Variants in FBXW7 observed in about 807,000 individuals in gnomAD.
The protein encoded by FBXW7 is F-box/WD repeat-containing protein 7.
Under a neutral mutation model 86.3 loss-of-function variants are expected in FBXW7, and 11 were observed. The ratio of observed to expected loss-of-function variants is 0.13; its 90% CI spans 0.08 to 0.21. The LOEUF is 0.21. Ranked by LOEUF, FBXW7 falls within the 10% of genes least tolerant of loss-of-function variation. The probability of loss-of-function intolerance (pLI) is 1.00; values close to 1 mark genes in which losing one functional copy is unlikely to be tolerated. For missense variants in FBXW7, 488 were observed against 847.4 expected, an observed-to-expected ratio of 0.58 and a Z score of 5.27; for synonymous variants, 313 against 297.9, an observed-to-expected ratio of 1.05 and a Z score of -0.52.
chr4:152,351,585 A>G (rs551398948), intron 4 of FBXW7, among the ~76,000 whole-genome samples: 2 of 152,148 alleles, frequency 1.3e-5, no homozygotes, highest in Non-Finnish European at 2.9e-5. Flanking sequence ...CCGTGTATAT[A>G]ATTTATAGAT....
At chr4:152,505,682 TACA>T (rs1319115568) in intron 2 of FBXW7, among the ~76,000 whole-genome samples, 1 of 151,848 alleles carries the variant, frequency 6.6e-6, no homozygotes, top group Admixed American at 6.6e-5. Context: ...TGTAATCTCC[TACA>T]ACAACAGTGC....
chr4:152,490,541 T>C (rs1406704638), intron 2 of FBXW7, among the ~76,000 whole-genome samples: 1 of 152,030 alleles, frequency 6.6e-6, no homozygotes, highest in Non-Finnish European at 1.5e-5. Context: ...AAAAAGCAGA[T>C]AACTCAAAAG....
At position 152,411,597 on chromosome 4, in the gene FBXW7, T is replaced by G; in HGVS notation, c.207A>C (p.Gln69His). Residue 69 changes from glutamine to histidine, a missense_variant, in exon 4 of 14, where the codon CAA (glutamine) becomes CAC (histidine). Around this residue, in one of 4 missense-constraint regions of FBXW7, gnomAD observed 230 missense variants for 240.0 expected, o/e 0.96. Transcript: ENST00000281708. ...VVGVEPRPGG[Q>H]NDSQQGQLEE... ...CCAACTGTCCTTGCTGGGAATCATT[T>G]TGGCCTCCAGGTCTAGGTTCTACTC... 6.2e-7 allele frequency: 1 copy of G among 1,614,050 alleles called. No homozygotes were observed. The highest frequency in any genetic ancestry group is 8.5e-7 in the Non-Finnish European group (1 of 1,179,950).
chr4:152,433,979 T>A (rs1489532180), intron 2 of FBXW7, among the ~76,000 whole-genome samples: 1 of 152,212 alleles, frequency 6.6e-6, no homozygotes, highest in Non-Finnish European at 1.5e-5. Context: ...ACAGGTGCAC[T>A]TATACGTGGA....
chr4:152,506,484 C>A (rs1423932080), intron 2 of FBXW7, among the ~76,000 whole-genome samples: 1 of 152,152 alleles, frequency 6.6e-6, no homozygotes, highest in African/African-American at 2.4e-5. Flanking sequence ...TACACCATCA[C>A]CACCACAAAC....
At chr4:152,414,443 C>T (rs1324193876) in intron 2 of FBXW7, among the ~76,000 whole-genome samples, 1 of 152,038 alleles carries the variant, frequency 6.6e-6, no homozygotes, top group East Asian at 1.9e-4. Flanking sequence ...TGTCAGGTGG[C>T]TCAAACTTTG....
chr4:152,430,135 T>C lies in FBXW7; in HGVS notation c.-119-17606A>G, dbSNP rs550323890. ...TCAACAAATCTGAAATCAGTGCTTT[T>C]GAAGAACAGTGACCATGGTTACTAT... On this transcript the variant is annotated intron_variant, in intron 2 of 13. Transcript: ENST00000281708. 1.1e-4 allele frequency among the ~76,000 whole-genome samples: 16 copies of C among 152,332 alleles called. No individual in the cohort carries two copies. In the East Asian group the frequency reaches 2.5e-3, roughly 24 times the overall value.
At chr4:152,341,819 G>T (rs573991028) in intron 6 of FBXW7, among the ~76,000 whole-genome samples, 6 of 152,306 alleles carry the variant, frequency 3.9e-5, no homozygotes, top group African/African-American at 1.4e-4. Flanking sequence ...ATGTGTGTGT[G>T]TGCGCGCGCA....
At chr4:152,472,674 A>G (rs1457944856) in intron 2 of FBXW7, among the ~76,000 whole-genome samples, 3 of 152,224 alleles carry the variant, frequency 2.0e-5, no homozygotes, top group Non-Finnish European at 4.4e-5. Flanking sequence ...AGCTCCTGAG[A>G]AGCTGATATC....
At chr4:152,532,500 C>T (rs1211679857) in intron 2 of FBXW7, among the ~76,000 whole-genome samples, 1 of 152,204 alleles carries the variant, frequency 6.6e-6, no homozygotes, top group East Asian at 1.9e-4. Flanking sequence ...TACTCAACAA[C>T]CTCTATCTGT....
At chr4:152,506,657 T>C (rs1379027342) in intron 2 of FBXW7, among the ~76,000 whole-genome samples, 1 of 152,202 alleles carries the variant, frequency 6.6e-6, no homozygotes, top group African/African-American at 2.4e-5. Context: ...GATGAATAAA[T>C]TGGTAGTCTT....
intron 2 of FBXW7, among the ~76,000 whole-genome samples, chr4:152,493,009 GAAGT>G (rs1198158362): frequency 4.0e-5 from 6 of 151,696 alleles, no homozygotes; most frequent in Admixed American, 2.0e-4. Context: ...AGAAATAACA[GAAGT>G]AAGAGAAGCA....
Position 152,502,454 on chromosome 4 carries a change from C to A in FBXW7, c.-120+32487G>T, listed in dbSNP as rs111600734. ...TATTTTTCTACTCATCAATCTAACA[C>A]CGTACTGCGTTTACTTAAATACGTT... is the stretch of plus-strand genomic sequence containing the variant. On this transcript the variant is annotated intron_variant, in intron 2 of 13. Transcript: ENST00000281708. Among the ~76,000 whole-genome samples, 3 of 152,236 alleles carry A rather than the reference C, an allele frequency of 2.0e-5. 1 individual carries two copies. Among genetic ancestry groups the A allele is most frequent in the African/African-American group, 7.2e-5 (3 of 41,542 alleles).
chr4:152,515,569 C>T (rs1748405071), intron 2 of FBXW7, among the ~76,000 whole-genome samples: 1 of 152,154 alleles, frequency 6.6e-6, no homozygotes. Flanking sequence ...TTACTAAATT[C>T]TGTACATTTA....
rs139805390 is a variant in FBXW7 at position 152,526,144 on chromosome 4, G to A, written c.-120+8797C>T. On this transcript the variant is annotated intron_variant, in intron 2 of 13. Transcript: ENST00000281708. ...CCTTTGTCCACTTTTTAATGGGGTC[G>A]TTTTTCTCTTGTAAATTTAAGTTCT... is the stretch of plus-strand genomic sequence containing the variant. Among the ~76,000 whole-genome samples the A allele has an allele frequency of 4.4e-4, 67 of 152,192 alleles. No homozygotes were observed. In the East Asian group the frequency reaches 0.01, roughly 23 times the overall value.
intron 4 of FBXW7, among the ~76,000 whole-genome samples, chr4:152,376,705 G>A (rs1232874791): frequency 2.0e-5 from 3 of 151,306 alleles, no homozygotes; most frequent in Admixed American, 2.0e-4. Flanking sequence ...TTTTTTTTTG[G>A]TCATAATTGT....
At chr4:152,382,346 C>G in intron 4 of FBXW7, 1 of 1,558,388 alleles carries the variant, frequency 6.4e-7, no homozygotes, top group Non-Finnish European at 8.7e-7. Context: ...TTTAAAACTC[C>G]TCTTGGTTGA....
At chr4:152,363,498 G>A (rs1297119678) in intron 4 of FBXW7, among the ~76,000 whole-genome samples, 1 of 152,150 alleles carries the variant, frequency 6.6e-6, no homozygotes, top group East Asian at 1.9e-4. Context: ...GAAAGAGGAA[G>A]AGATAATATT....
At chr4:152,516,748 A>G (rs185882832) in intron 2 of FBXW7, among the ~76,000 whole-genome samples, 1 of 152,354 alleles carries the variant, frequency 6.6e-6, no homozygotes, top group Admixed American at 6.5e-5. Context: ...TTTTAAAGAA[A>G]GTGTAACTTC....
Sources: allele counts gnomAD v4.1 joint callset (sites outside exome capture counted in the v4.1 genomes callset), GRCh38; gene constraint gnomAD v4.1.1; regional missense constraint gnomAD v4.1.1; transcripts MANE v1.5; gene names NCBI Gene and HGNC (gene_info 2026-07-23, HGNC 2026-07-21).